MED12L: variants seen among roughly 807,000 people sequenced by gnomAD.
MED12L encodes mediator of RNA polymerase II transcription subunit 12-like protein.
MED12L carries 60 observed loss-of-function variants against 281.3 expected under a neutral mutation model. The ratio of observed to expected loss-of-function variants is 0.21; its 90% confidence interval spans 0.17 to 0.26. MED12L has a LOEUF of 0.26. Among genes scored for constraint, MED12L ranks in the 10% least tolerant of loss-of-function variants. MED12L has a pLI of 1.00. For missense variants in MED12L, 2,146 were observed against 2,680.9 expected (o/e 0.80, Z 4.41); for synonymous variants, 974 against 987.2 (o/e 0.99, Z 0.25).
chr3:151,124,149 C>A (rs1714158911), intron 4 of MED12L, among the ~76,000 whole-genome samples: 1 of 152,186 alleles, frequency 6.6e-6, no homozygotes, highest in South Asian at 2.1e-4. Flanking sequence ...TCCATGTTGC[C>A]AGCCTGACAT....
At chr3:151,199,079 A>G (rs368287689) in intron 16 of MED12L, 1 of 1,614,052 alleles carries the variant, frequency 6.2e-7, no homozygotes, top group Non-Finnish European at 8.5e-7. Context: ...TGCTAAGAAG[A>G]TAATTGATAA....
intron 16 of MED12L, among the ~76,000 whole-genome samples, chr3:151,292,665 C>T (rs71306548): frequency 1.4e-4 from 21 of 151,302 alleles, no homozygotes; most frequent in African/African-American, 4.9e-4. Context: ...CTCCACCTCC[C>T]GGGTTCAAGC....
chr3:151,257,623 T>C (rs1738074687), intron 16 of MED12L, among the ~76,000 whole-genome samples: 1 of 152,254 alleles, frequency 6.6e-6, no homozygotes, highest in South Asian at 2.1e-4. Flanking sequence ...GTCATCAGTA[T>C]TATTTCGTAT....
intron 11 of MED12L, among the ~76,000 whole-genome samples, chr3:151,180,719 C>A (rs1722603764): frequency 6.6e-6 from 1 of 152,184 alleles, no homozygotes; most frequent in African/African-American, 2.4e-5. Context: ...CATTGAGAGA[C>A]AAGTGTACCT....
intron 38 of MED12L, among the ~76,000 whole-genome samples, chr3:151,391,611 C>T (rs982388669): frequency 6.6e-6 from 1 of 152,152 alleles, no homozygotes; most frequent in Non-Finnish European, 1.5e-5. Flanking sequence ...AAAAAAAACT[C>T]GTAATGTTTT....
At chr3:151,373,421 C>G (rs1473924799) in intron 27 of MED12L, among the ~76,000 whole-genome samples, 1 of 152,120 alleles carries the variant, frequency 6.6e-6, no homozygotes, top group Non-Finnish European at 1.5e-5. Context: ...TAATTTTCCC[C>G]TTGCAGTAAG....
At chr3:151,231,515 A>G (rs954255736) in intron 16 of MED12L, among the ~76,000 whole-genome samples, 2 of 152,250 alleles carry the variant, frequency 1.3e-5, no homozygotes, top group Non-Finnish European at 1.5e-5. Context: ...AACTGTATCA[A>G]AAATCTTCAA....
At chr3:151,424,569 C>T (rs368606394) in intron 43 of MED12L, among the ~76,000 whole-genome samples, 1 of 151,808 alleles carries the variant, frequency 6.6e-6, no homozygotes, top group South Asian at 2.1e-4. Flanking sequence ...TGCAGTGAGC[C>T]GAGATTGCGC....
Position 151,158,807 on chromosome 3 carries a change from A to G in MED12L, c.837+8A>G, listed in dbSNP as rs1180481640. On this transcript the variant is annotated splice_region_variant and intron_variant, in intron 7 of 44. Coordinates refer to ENST00000687756, the MANE Select transcript of MED12L (RefSeq NM_001393769.1). ...CTACCACTAATGCTGCAGGTATAGT[A>G]CATGTCCCCTTGAGGCAGTTGGTTT... 1 of 1,576,756 alleles carries G rather than the reference A, an allele frequency of 6.3e-7. No individual in the cohort carries two copies. The highest frequency in any genetic ancestry group is 1.1e-5 in the South Asian group (1 of 89,504).
intron 16 of MED12L, chr3:151,316,328 T>A (rs1360847635): frequency 6.6e-6 from 1 of 152,078 alleles, no homozygotes; most frequent in Non-Finnish European, 1.5e-5. Flanking sequence ...TAAAAAAAAA[T>A]GTACTAAATA....
At chr3:151,399,145 T>A (rs888736168) in intron 39 of MED12L, among the ~76,000 whole-genome samples, 3 of 152,202 alleles carry the variant, frequency 2.0e-5, no homozygotes, top group Non-Finnish European at 4.4e-5. Context: ...CAGAGTCCCA[T>A]CTATAAACTG....
At chr3:151,213,657 T>C in intron 16 of MED12L, 1 of 1,614,174 alleles carries the variant, frequency 6.2e-7, no homozygotes, top group Non-Finnish European at 8.5e-7. Flanking sequence ...AATTCCGACT[T>C]GACTTAAGGT....
chr3:151,213,005 G>T, intron 16 of MED12L: 1 of 178,536 alleles, frequency 5.6e-6, no homozygotes, highest in Non-Finnish European at 1.2e-5. Context: ...TAACTGACCA[G>T]ACTAGTGGTT....
rs192040027 is a variant in MED12L, at chr3:151,428,921, G to A, written c.6409-1378G>A. Among the ~76,000 whole-genome samples, 10 of 152,288 alleles carry A rather than the reference G, an allele frequency of 6.6e-5. No homozygotes were observed. The East Asian group carries it at 1.5e-3, about 23-fold the overall frequency. On this transcript the variant is annotated intron_variant, in intron 43 of 44. Transcript: ENST00000687756. ...AATCACATTTAACTGGACGTGCTGCGTTTTTATTTGCTAAATCTAGCAACT... is the reference window on the plus strand; with the variant it reads ...AATCACATTTAACTGGACGTGCTGCATTTTTATTTGCTAAATCTAGCAACT...
At chr3:151,244,174 T>C (rs1734841372) in intron 16 of MED12L, among the ~76,000 whole-genome samples, 1 of 129,350 alleles carries the variant, frequency 7.7e-6, no homozygotes, top group Admixed American at 7.9e-5. Flanking sequence ...AATGGGAGAC[T>C]TTAACATCCC....
Position 151,377,114 on chromosome 3 carries a change from C to T in MED12L, c.4252C>T (p.Pro1418Ser), listed in dbSNP as rs79310050. ...SSNSGMSLFNPNSIGSADTSS... is the reference protein window; with the variant it reads ...SSNSGMSLFNSNSIGSADTSS... ...TAATTCTGGCATGAGCCTCTTCAAC[C>T]CAAACAGTATTGGAAGTGCTGATAC... The change falls in exon 30 of 45, where the codon CCA (proline) becomes TCA (serine). Residue 1418 changes from proline to serine, a missense_variant. By Grantham distance (74) the Pro-to-Ser change is moderately conservative. Around this residue, in one of 9 missense-constraint regions of MED12L, gnomAD observed 235 missense variants for 260.3 expected, o/e 0.90. Coordinates refer to ENST00000687756, the MANE Select transcript of MED12L (RefSeq NM_001393769.1). The T allele has an allele frequency of 1.9e-6, 3 of 1,614,020 alleles. No individual in the cohort carries two copies. The East Asian group carries it at 6.7e-5, about 36-fold the overall frequency.
chr3:151,401,879 C>G (rs1364007290), intron 39 of MED12L, among the ~76,000 whole-genome samples: 1 of 152,020 alleles, frequency 6.6e-6, no homozygotes, highest in Non-Finnish European at 1.5e-5. Context: ...TGGTATTTCT[C>G]TGTTTATTTG....
intron 16 of MED12L, among the ~76,000 whole-genome samples, chr3:151,271,953 C>T (rs1741031456): frequency 6.6e-6 from 1 of 152,144 alleles, no homozygotes; most frequent in South Asian, 2.1e-4. Flanking sequence ...CCTCAATGAA[C>T]TCTACACTTA....
chr3:151,295,117 A>C, intron 16 of MED12L: 1 of 1,613,566 alleles, frequency 6.2e-7, no homozygotes, highest in Non-Finnish European at 8.5e-7. Flanking sequence ...CCGGCAAGAC[A>C]ATTGTGTCAA....
Sources: allele counts gnomAD v4.1 joint callset (sites outside exome capture counted in the v4.1 genomes callset), GRCh38; gene constraint gnomAD v4.1.1; regional missense constraint gnomAD v4.1.1; transcripts MANE v1.5; gene names NCBI Gene and HGNC (gene_info 2026-07-23, HGNC 2026-07-21).